KIAA1671: variants seen among roughly 807,000 people sequenced by gnomAD.
KIAA1671 encodes KIAA1671.
KIAA1671 carries 52 observed loss-of-function variants against 131.2 expected under a neutral mutation model. The observed-to-expected ratio is 0.40, with a 90% CI of 0.32 to 0.50. The LOEUF is 0.50. Ranked by LOEUF, KIAA1671 falls within the 20% of genes least tolerant of loss-of-function variation. The pLI, the probability that KIAA1671 is intolerant of heterozygous loss-of-function variation, is 0.73. For missense variants in KIAA1671, 2,360 were observed against 2,364.2 expected, an observed-to-expected ratio of 1.00 and a Z score of 0.04; for synonymous variants, 1,003 against 961.6, an observed-to-expected ratio of 1.04 and a Z score of -0.80.
intron 6 of KIAA1671, among the ~76,000 whole-genome samples, chr22:25,079,299 G>C (rs527672804): frequency 6.6e-6 from 1 of 151,550 alleles, no homozygotes; most frequent in Non-Finnish European, 1.5e-5. Context: ...GCACCATCTC[G>C]GCTCACTGCA....
At chr22:25,183,335 G>A (rs375945845) in intron 10 of KIAA1671, among the ~76,000 whole-genome samples, 1 of 152,152 alleles carries the variant, frequency 6.6e-6, no homozygotes, top group African/African-American at 2.4e-5. Context: ...AGTAGTGGAT[G>A]CGTGCTTGTG....
intron 1 of KIAA1671, among the ~76,000 whole-genome samples, chr22:25,018,903 T>C (rs1358989207): frequency 6.6e-6 from 1 of 152,214 alleles, no homozygotes; most frequent in East Asian, 1.9e-4. Context: ...TAGGGGGGTA[T>C]ACTCTTAGGA....
At chr22:25,094,446 C>T (rs1930300452) in intron 6 of KIAA1671, among the ~76,000 whole-genome samples, 1 of 152,096 alleles carries the variant, frequency 6.6e-6, no homozygotes, top group Admixed American at 6.6e-5. Context: ...CTGTCCAAGG[C>T]CCCTCAGCAG....
chr22:25,006,033 AT>A (rs1343612969), intron 1 of KIAA1671, among the ~76,000 whole-genome samples: 5 of 151,972 alleles, frequency 3.3e-5, no homozygotes, highest in Admixed American at 2.0e-4. Context: ...TTATTTATTT[AT>A]TTATTTTTCC....
intron 9 of KIAA1671, 127 bp downstream of exon 9, chr22:25,177,649 T>G: frequency 6.4e-6 from 5 of 782,410 alleles, no homozygotes; most frequent in Non-Finnish European, 9.8e-6. Flanking sequence ...CATAGGAAAC[T>G]GATTTTTTTT....
intron 1 of KIAA1671, among the ~76,000 whole-genome samples, chr22:24,959,412 A>G (rs1276028246): frequency 2.0e-5 from 3 of 152,042 alleles, no homozygotes; most frequent in Non-Finnish European, 2.9e-5. Context: ...AATCCCAGCT[A>G]TTCAGGAGGC....
intron 11 of KIAA1671, among the ~76,000 whole-genome samples, chr22:25,188,952 A>C (rs532344570): frequency 2.3e-4 from 35 of 152,212 alleles, no homozygotes; most frequent in African/African-American, 6.5e-4. Flanking sequence ...ATAGATATGT[A>C]TGCACATGTA....
intron 6 of KIAA1671, chr22:25,058,550 T>C (rs944165730): frequency 3.3e-5 from 5 of 152,214 alleles, no homozygotes; most frequent in African/African-American, 1.2e-4. Flanking sequence ...GATACGGCAC[T>C]GTTCGGAAAC....
intron 6 of KIAA1671, among the ~76,000 whole-genome samples, chr22:25,143,825 A>G (rs1414408244): frequency 6.6e-6 from 1 of 152,140 alleles, no homozygotes; most frequent in African/African-American, 2.4e-5. Context: ...GTGCTGTGTG[A>G]CCTTGAGCAA....
intron 1 of KIAA1671, among the ~76,000 whole-genome samples, chr22:24,959,916 T>G (rs1418605377): frequency 2.0e-5 from 3 of 151,814 alleles, no homozygotes; most frequent in Admixed American, 6.6e-5. Context: ...GGGAGGTGGA[T>G]CATTTGAGGT....
intron 6 of KIAA1671, among the ~76,000 whole-genome samples, chr22:25,092,642 G>A (rs1930078840): frequency 6.6e-6 from 1 of 152,168 alleles, no homozygotes; most frequent in Non-Finnish European, 1.5e-5. Context: ...GGGATGGGAA[G>A]CAAGGAGAAG....
At chr22:25,168,548 C>G (rs755504933) in intron 6 of KIAA1671, among the ~76,000 whole-genome samples, 12 of 152,112 alleles carry the variant, frequency 7.9e-5, no homozygotes, top group Non-Finnish European at 1.3e-4. Context: ...AACAAATTAG[C>G]CAGGCATGGT....
At chr22:24,996,213 G>A (rs974837566) in intron 1 of KIAA1671, among the ~76,000 whole-genome samples, 3 of 152,004 alleles carry the variant, frequency 2.0e-5, no homozygotes, top group Admixed American at 2.0e-4. Flanking sequence ...AGGGTGTCTC[G>A]GTGGAGGGCT....
At chr22:25,152,937 T>A (rs990084091) in intron 6 of KIAA1671, among the ~76,000 whole-genome samples, 2 of 152,140 alleles carry the variant, frequency 1.3e-5, no homozygotes, top group African/African-American at 4.8e-5. Flanking sequence ...GATTTTTTTT[T>A]AATGCCACAT....
intron 9 of KIAA1671, among the ~76,000 whole-genome samples, chr22:25,180,078 C>T (rs1324014347): frequency 1.4e-5 from 1 of 73,644 alleles, no homozygotes; most frequent in Non-Finnish European, 3.1e-5. Flanking sequence ...CCTTGGGCTA[C>T]CCGAGGAACT....
chr22:24,985,376 G>C (rs1923465188), intron 1 of KIAA1671, among the ~76,000 whole-genome samples: 1 of 150,638 alleles, frequency 6.6e-6, no homozygotes, highest in South Asian at 2.1e-4. Context: ...GTCTCGCTCT[G>C]TCACCCAGGC....
At chr22:25,136,645 C>A (rs111546214) in intron 6 of KIAA1671, among the ~76,000 whole-genome samples, 10 of 152,132 alleles carry the variant, frequency 6.6e-5, no homozygotes, top group Non-Finnish European at 1.2e-4. Flanking sequence ...GGTTTCTGAG[C>A]CTCTTCTGCA....
intron 1 of KIAA1671, among the ~76,000 whole-genome samples, chr22:24,967,852 G>T (rs986582122): frequency 2.6e-5 from 4 of 152,282 alleles, no homozygotes; most frequent in African/African-American, 9.6e-5. Context: ...ATTTAGCCGG[G>T]CGTGGTGGCG....
intron 1 of KIAA1671, chr22:25,011,617 TTTC>T (rs1925037507): frequency 6.9e-6 from 1 of 144,660 alleles, no homozygotes; most frequent in Non-Finnish European, 1.5e-5. Flanking sequence ...TTTCTTTTTC[TTTC>T]TTTCTTTTCT....
Sources: allele counts gnomAD v4.1 joint callset (sites outside exome capture counted in the v4.1 genomes callset), GRCh38; gene constraint gnomAD v4.1.1; transcripts MANE v1.5; gene names NCBI Gene and HGNC (gene_info 2026-07-23, HGNC 2026-07-21).